Variants in ILRUN observed in about 807,000 individuals in gnomAD.
The protein encoded by ILRUN is inflammation and lipid regulator with UBA-like and NBR1-like domains, also known as protein ILRUN.
Under a neutral mutation model 33.8 loss-of-function variants are expected in ILRUN, and 3 were observed. The observed-to-expected ratio is 0.09, with a 90% CI of 0.04 to 0.23. ILRUN has a LOEUF of 0.23. ILRUN is among the 10% of genes least tolerant of loss of function. The pLI is 1.00. For synonymous variants in ILRUN, 124 were observed against 138.9 expected (o/e 0.89, Z 0.75); for missense variants, 210 against 375.1 (o/e 0.56, Z 3.64).
At chr6:34,643,299 C>CAA (rs879685019) in intron 3 of ILRUN, among the ~76,000 whole-genome samples, 7 of 111,376 alleles carry the variant, frequency 6.3e-5, no homozygotes, top group East Asian at 2.5e-4. Flanking sequence ...GGACCCATCT[C>CAA]AAAAAAAAAA....
chr6:34,618,906 C>T (rs1252047908), intron 3 of ILRUN, among the ~76,000 whole-genome samples: 4 of 152,108 alleles, frequency 2.6e-5, no homozygotes, highest in East Asian at 1.9e-4. Flanking sequence ...AAAGGAAAAC[C>T]GGGAGTCTAT....
chr6:34,683,436 A>T (rs1425630337), intron 1 of ILRUN, among the ~76,000 whole-genome samples: 1 of 106,748 alleles, frequency 9.4e-6, no homozygotes, highest in South Asian at 2.7e-4. Context: ...ATACATATAT[A>T]TATACATATA....
chr6:34,617,304 G>T, intron 3 of ILRUN: 1 of 322,544 alleles, frequency 3.1e-6, no homozygotes, highest in Non-Finnish European at 6.0e-6. Flanking sequence ...TTAATAAACA[G>T]TATGCGCTCT....
At chr6:34,687,712 T>A (rs866968783) in intron 1 of ILRUN, among the ~76,000 whole-genome samples, 9,452 of 129,668 alleles carry the variant, frequency 0.073, 770 homozygotes, top group African/African-American at 0.21. Context: ...AAAAAAAATA[T>A]ATATATATAT....
At chr6:34,681,034 C>T (rs2127383906) in intron 1 of ILRUN, among the ~76,000 whole-genome samples, 1 of 151,852 alleles carries the variant, frequency 6.6e-6, no homozygotes, top group African/African-American at 2.4e-5. Context: ...CTTCTCAAGG[C>T]CTGTTATCAA....
At chr6:34,610,697 C>T (rs1286451586) in intron 3 of ILRUN, among the ~76,000 whole-genome samples, 5 of 152,220 alleles carry the variant, frequency 3.3e-5, no homozygotes, top group Non-Finnish European at 5.9e-5. Context: ...AAGGGATACT[C>T]AACCTGTAGT....
chr6:34,649,364 T>G (rs576717062), intron 2 of ILRUN, among the ~76,000 whole-genome samples: 2 of 152,314 alleles, frequency 1.3e-5, no homozygotes, highest in South Asian at 4.2e-4. Context: ...ATAATAGAAC[T>G]GGACTCCAAA....
intron 3 of ILRUN, among the ~76,000 whole-genome samples, chr6:34,619,050 A>C (rs1283891159): frequency 6.6e-6 from 1 of 152,192 alleles, no homozygotes; most frequent in Non-Finnish European, 1.5e-5. Context: ...AGGTCACTGG[A>C]GAGCTTGAAA....
At chr6:34,682,952 G>C (rs1015395036) in intron 1 of ILRUN, among the ~76,000 whole-genome samples, 3 of 67,876 alleles carry the variant, frequency 4.4e-5, no homozygotes, top group Non-Finnish European at 8.1e-5. Flanking sequence ...AACACAGGGA[G>C]ACCCCATCTC....
At chr6:34,612,991 C>A (rs145555203) in intron 3 of ILRUN, among the ~76,000 whole-genome samples, 138 of 151,418 alleles carry the variant, frequency 9.1e-4, no homozygotes, top group African/African-American at 3.1e-3. Flanking sequence ...TGCAGTGAGC[C>A]GAGATTGCGC....
At chr6:34,662,124 C>CAAAAAAA (rs57423564) in intron 1 of ILRUN, among the ~76,000 whole-genome samples, 8 of 39,990 alleles carry the variant, frequency 2.0e-4, no homozygotes, top group East Asian at 8.5e-4. Context: ...GACTCCGTCT[C>CAAAAAAA]AAAAAAAAAA....
In ILRUN at chr6:34,614,435, A is replaced by ATATATATATATATATATATATAT. The variant is rs1289507613; in HGVS notation, c.512-7532_512-7531insATATATATATATATATATATATA. On this transcript the variant is annotated intron_variant, in intron 3 of 4. Coordinates refer to ENST00000374023, the MANE Select transcript of ILRUN (RefSeq NM_024294.4). The stretch of plus-strand genomic sequence containing the variant: ...AGACTCCATCTCAAAAAATAATAAA[A>ATATATATATATATATATATATAT]AAAAAAAAATATATATATATAAAAT... 5.2e-4 allele frequency among the ~76,000 whole-genome samples: 64 copies of ATATATATATATATATATATATAT among 123,352 alleles called. 1 individual carries two copies. Among genetic ancestry groups the ATATATATATATATATATATATAT allele is most frequent in the African/African-American group, 2.2e-3 (58 of 26,074 alleles). 80.9% of individuals were successfully genotyped at this position (123,352 alleles called of 152,430 possible).
At chr6:34,624,723 G>GTT (rs1762080143) in intron 3 of ILRUN, among the ~76,000 whole-genome samples, 1 of 152,130 alleles carries the variant, frequency 6.6e-6, no homozygotes, top group Non-Finnish European at 1.5e-5. Flanking sequence ...AACTTCTACA[G>GTT]AGCTAATGTG....
intron 1 of ILRUN, among the ~76,000 whole-genome samples, chr6:34,692,921 T>C (rs937731676): frequency 4.0e-5 from 6 of 151,626 alleles, no homozygotes; most frequent in African/African-American, 1.5e-4. Context: ...AAGTAAAAAA[T>C]AAAAAAATTA....
chr6:34,598,784 C>A (rs963513157), intron 4 of ILRUN, among the ~76,000 whole-genome samples: 1 of 152,238 alleles, frequency 6.6e-6, no homozygotes, highest in Non-Finnish European at 1.5e-5. Flanking sequence ...GTTATGTTTG[C>A]TTAATTTATT....
At chr6:34,683,226 T>C (rs1312469795) in intron 1 of ILRUN, among the ~76,000 whole-genome samples, 1 of 151,228 alleles carries the variant, frequency 6.6e-6, no homozygotes, top group Non-Finnish European at 1.5e-5. Context: ...CCTATCCAAG[T>C]ACCTTGACAA....
chr6:34,660,052 C>A (rs1582087790), intron 1 of ILRUN, among the ~76,000 whole-genome samples: 1 of 151,890 alleles, frequency 6.6e-6, no homozygotes, highest in East Asian at 1.9e-4. Context: ...ATAATCCCAG[C>A]ACCTTGGGAG....
At position 34,639,500 on chromosome 6, in the gene ILRUN, T is replaced by C. The variant is rs144877095; in HGVS notation, c.511+7101A>G. On this transcript the variant is annotated intron_variant, in intron 3 of 4. Transcript: ENST00000374023. ...GGCATCCAGGCTAAAACAAGGACAA[T>C]CACTCATGCTGCTTACCCTTTGCCC... Among the ~76,000 whole-genome samples the C allele has an allele frequency of 2.1e-3, 321 of 152,232 alleles. 2 individuals carry two copies. The highest frequency in any genetic ancestry group is 6.8e-3 in the Middle Eastern group (2 of 294).
intron 4 of ILRUN, among the ~76,000 whole-genome samples, chr6:34,603,974 G>A (rs1358046817): frequency 6.6e-6 from 1 of 152,124 alleles, no homozygotes; most frequent in Non-Finnish European, 1.5e-5. Flanking sequence ...GAACCTGCTC[G>A]ATGCTTCATA....
Sources: allele counts gnomAD v4.1 joint callset (sites outside exome capture counted in the v4.1 genomes callset), GRCh38; gene constraint gnomAD v4.1.1; transcripts MANE v1.5; gene names NCBI Gene and HGNC (gene_info 2026-07-23, HGNC 2026-07-21).